Variants in LOC400499 observed in about 807,000 individuals in gnomAD.
chr16:11,443,611 A>C, the LOC400499 span, among the ~76,000 whole-genome samples: 1 of 152,074 alleles, frequency 6.6e-6, no homozygotes, highest in African/African-American at 2.4e-5. Flanking sequence ...GTCAGGAAGA[A>C]GACCCGGATG....
chr16:11,523,190 G>C, the LOC400499 span, among the ~76,000 whole-genome samples: 5 of 152,224 alleles, frequency 3.3e-5, no homozygotes, highest in African/African-American at 1.2e-4. Context: ...TGGGGGCTGG[G>C]ATGGCTTAAG....
At chr16:11,517,525 CG>C in the LOC400499 span, among the ~76,000 whole-genome samples, 2 of 152,150 alleles carry the variant, frequency 1.3e-5, no homozygotes, top group Admixed American at 6.5e-5. Context: ...GTGTTTTGCT[CG>C]GGGCTCCAGC....
At chr16:11,395,831 C>T in the LOC400499 span, among the ~76,000 whole-genome samples, 1 of 152,144 alleles carries the variant, frequency 6.6e-6, no homozygotes, top group Non-Finnish European at 1.5e-5. Context: ...CTTGGCTACG[C>T]AGGCAGCGGG....
At chr16:11,494,369 G>C in the LOC400499 span, among the ~76,000 whole-genome samples, 121 of 148,626 alleles carry the variant, frequency 8.1e-4, 1 homozygote, top group African/African-American at 2.8e-3. Flanking sequence ...GGTGTGGGGG[G>C]GGCAGTGGTA....
At chr16:11,467,504 C>G in the LOC400499 span, among the ~76,000 whole-genome samples, 2 of 151,684 alleles carry the variant, frequency 1.3e-5, no homozygotes, top group African/African-American at 4.8e-5. Flanking sequence ...CCCAGCTACT[C>G]GGGAGGCTGA....
At chr16:11,467,505 G>A in the LOC400499 span, among the ~76,000 whole-genome samples, 4 of 152,076 alleles carry the variant, frequency 2.6e-5, no homozygotes, top group South Asian at 2.1e-4. Flanking sequence ...CCAGCTACTC[G>A]GGAGGCTGAG....
chr16:11,504,792 A>G, the LOC400499 span, among the ~76,000 whole-genome samples: 9,183 of 152,122 alleles, frequency 0.06, 748 homozygotes, highest in African/African-American at 0.18. Flanking sequence ...GCATGGTGGC[A>G]TGAGCCTGTA....
the LOC400499 span, among the ~76,000 whole-genome samples, chr16:11,494,200 T>C: frequency 7.4e-6 from 1 of 134,906 alleles, no homozygotes; most frequent in African/African-American, 2.8e-5. Context: ...GGGGGTGGGC[T>C]GTGAAGGGCA....
At chr16:11,445,181 G>A in the LOC400499 span, among the ~76,000 whole-genome samples, 1 of 152,094 alleles carries the variant, frequency 6.6e-6, no homozygotes, top group Non-Finnish European at 1.5e-5. Context: ...AGCACTTTGG[G>A]AGGCCAAGGC....
At chr16:11,496,912 G>GTT in the LOC400499 span, among the ~76,000 whole-genome samples, 1 of 151,798 alleles carries the variant, frequency 6.6e-6, no homozygotes, top group East Asian at 1.9e-4. Context: ...GTGTGTGTGT[G>GTT]TGTGTGTGTG....
chr16:11,384,807 C>T, the LOC400499 span: 1 of 1,195,384 alleles, frequency 8.4e-7, no homozygotes, highest in Non-Finnish European at 1.0e-6. Context: ...CGGTAGCCCC[C>T]TGCCGCCCTG....
the LOC400499 span, chr16:11,487,365 T>G: frequency 5.0e-6 from 2 of 399,288 alleles, no homozygotes; most frequent in East Asian, 3.6e-5. Context: ...CCCCTCCAGG[T>G]TGGCTCCCAG....
chr16:11,500,292 G>T, the LOC400499 span, among the ~76,000 whole-genome samples: 1 of 152,184 alleles, frequency 6.6e-6, no homozygotes, highest in East Asian at 1.9e-4. Flanking sequence ...TGGATCACTT[G>T]AGGTCAGGAG....
the LOC400499 span, among the ~76,000 whole-genome samples, chr16:11,373,993 A>G: frequency 1.3e-5 from 2 of 152,192 alleles, no homozygotes; most frequent in African/African-American, 2.4e-5. Flanking sequence ...CTTTTCTGCC[A>G]TCTCTTTCTA....
At chr16:11,389,502 C>T in the LOC400499 span, among the ~76,000 whole-genome samples, 2 of 151,942 alleles carry the variant, frequency 1.3e-5, no homozygotes, top group East Asian at 3.9e-4. Context: ...GCCAACATGG[C>T]AGAACCCTGT....
the LOC400499 span, among the ~76,000 whole-genome samples, chr16:11,527,132 G>A: frequency 2.0e-5 from 3 of 152,168 alleles, no homozygotes; most frequent in African/African-American, 2.4e-5. Flanking sequence ...TGCCATCAGC[G>A]GCCAGAGCAG....
At chr16:11,489,265 TC>T in the LOC400499 span, among the ~76,000 whole-genome samples, 8 of 152,342 alleles carry the variant, frequency 5.3e-5, no homozygotes, top group Non-Finnish European at 1.2e-4. Context: ...AAATCCTAGT[TC>T]CACCATGTAC....
the LOC400499 span, among the ~76,000 whole-genome samples, chr16:11,525,195 G>A: frequency 6.6e-6 from 1 of 151,598 alleles, no homozygotes. Flanking sequence ...TGGGAGAATT[G>A]CTTGAGCCGA....
chr16:11,523,617 G>C, the LOC400499 span: 1 of 394,406 alleles, frequency 2.5e-6, no homozygotes, highest in Non-Finnish European at 4.5e-6. Context: ...AATGTCCTCA[G>C]GGGAGGGAGG....
Sources: allele counts gnomAD v4.1 joint callset (sites outside exome capture counted in the v4.1 genomes callset), GRCh38; gene constraint gnomAD v4.1.1; transcripts MANE v1.5.